The following KCTD16 variants were observed in gnomAD, a reference collection of about 807,000 sequenced individuals.
KCTD16 encodes the protein BTB/POZ domain-containing protein KCTD16.
In KCTD16, 13 loss-of-function variants were observed where a neutral mutation model predicts 33.2. That is an observed-to-expected ratio of 0.39 (90% CI 0.25 to 0.62). The LOEUF is 0.62. Ranked by LOEUF, KCTD16 falls within the 20% of genes least tolerant of loss-of-function variation. The probability of loss-of-function intolerance (pLI) is 0.50; values close to 1 mark genes in which losing one functional copy is unlikely to be tolerated. For synonymous variants in KCTD16, 197 were observed against 195.3 expected (o/e 1.01, Z -0.07); for missense variants, 441 against 525.1 (o/e 0.84, Z 1.57).
intron 2 of KCTD16, among the ~76,000 whole-genome samples, chr5:144,193,455 C>T (rs1489694667): frequency 6.6e-6 from 1 of 152,116 alleles, no homozygotes; most frequent in Non-Finnish European, 1.5e-5. Flanking sequence ...CAGCATTTCA[C>T]ATAGCTGGCT....
At chr5:144,375,929 GCCTC>G (rs1580913595) in intron 3 of KCTD16, among the ~76,000 whole-genome samples, 1 of 151,936 alleles carries the variant, frequency 6.6e-6, no homozygotes, top group Non-Finnish European at 1.5e-5. Context: ...TCCTGCCTCA[GCCTC>G]CTGAGGCAGG....
At chr5:144,287,253 A>G (rs1755770251) in intron 3 of KCTD16, among the ~76,000 whole-genome samples, 1 of 140,526 alleles carries the variant, frequency 7.1e-6, no homozygotes, top group African/African-American at 2.5e-5. Context: ...CGTGTCTTCC[A>G]CAAACAGGCC....
intron 3 of KCTD16, among the ~76,000 whole-genome samples, chr5:144,413,165 G>C (rs990768212): frequency 6.6e-6 from 1 of 152,088 alleles, no homozygotes. Flanking sequence ...TTTCAAAAAG[G>C]TCATTAGGTT....
chr5:144,291,266 CT>C (rs1258280193), intron 3 of KCTD16, among the ~76,000 whole-genome samples: 1 of 152,190 alleles, frequency 6.6e-6, no homozygotes, highest in Non-Finnish European at 1.5e-5. Context: ...CCTCCTGCTG[CT>C]TTCTTAAAGC....
chr5:144,280,352 A>T (rs115712127), intron 3 of KCTD16, among the ~76,000 whole-genome samples: 3,103 of 152,028 alleles, frequency 0.02, 96 homozygotes, highest in African/African-American at 0.064. Context: ...GTTTTTTTTT[A>T]AAATAGCTAT....
At chr5:144,326,460 A>C (rs1018324819) in intron 3 of KCTD16, among the ~76,000 whole-genome samples, 1 of 152,192 alleles carries the variant, frequency 6.6e-6, no homozygotes, top group African/African-American at 2.4e-5. Context: ...ATAAGTTGAA[A>C]TATTTTGCCA....
At chr5:144,468,176 C>T (rs1440046200) in intron 3 of KCTD16, among the ~76,000 whole-genome samples, 2 of 152,326 alleles carry the variant, frequency 1.3e-5, no homozygotes, top group East Asian at 3.9e-4. Flanking sequence ...CACAATGCCT[C>T]CTCTAAGCTT....
At chr5:144,337,816 G>A (rs959542512) in intron 3 of KCTD16, among the ~76,000 whole-genome samples, 1 of 152,160 alleles carries the variant, frequency 6.6e-6, no homozygotes, top group African/African-American at 2.4e-5. Flanking sequence ...GGAGAAGAGT[G>A]GGTGAGAACA....
At chr5:144,349,495 T>A (rs29906) in intron 3 of KCTD16, among the ~76,000 whole-genome samples, 38,144 of 152,152 alleles carry the variant, frequency 0.25, 4,951 homozygotes, top group Non-Finnish European at 0.28. Context: ...CAATCATTTC[T>A]TTTTTTCTGA....
intron 3 of KCTD16, among the ~76,000 whole-genome samples, chr5:144,430,106 C>T (rs932867286): frequency 2.0e-5 from 3 of 152,128 alleles, no homozygotes; most frequent in South Asian, 4.2e-4. Flanking sequence ...TCTTCAGGGG[C>T]ATCGTACCTG....
At chr5:144,439,321 G>T in intron 3 of KCTD16, 1 of 490,848 alleles carries the variant, frequency 2.0e-6, no homozygotes, top group Non-Finnish European at 4.0e-6. Flanking sequence ...CACTTGAATT[G>T]AATGGAGGAA....
At chr5:144,295,779 G>A (rs182810532) in intron 3 of KCTD16, among the ~76,000 whole-genome samples, 20 of 152,300 alleles carry the variant, frequency 1.3e-4, no homozygotes, top group African/African-American at 4.8e-4. Context: ...CAAAAGTGGA[G>A]AATCTTTCCT....
intron 3 of KCTD16, among the ~76,000 whole-genome samples, chr5:144,277,297 T>TGAC (rs1448213686): frequency 1.3e-5 from 2 of 152,204 alleles, no homozygotes; most frequent in South Asian, 2.1e-4. Context: ...CTGATGATGA[T>TGAC]GACGACGATG....
intron 3 of KCTD16, among the ~76,000 whole-genome samples, chr5:144,337,839 C>T (rs1197794844): frequency 2.0e-5 from 3 of 152,030 alleles, no homozygotes; most frequent in Admixed American, 1.3e-4. Context: ...ACCTTTAGAG[C>T]CAGAGTGTCT....
intron 3 of KCTD16, among the ~76,000 whole-genome samples, chr5:144,357,509 A>G (rs546299128): frequency 1.3e-5 from 2 of 152,358 alleles, no homozygotes; most frequent in African/African-American, 4.8e-5. Context: ...CTAGCCATCA[A>G]AGATATTGAA....
chr5:144,384,613 T>G (rs562734847), intron 3 of KCTD16, among the ~76,000 whole-genome samples: 2 of 152,306 alleles, frequency 1.3e-5, no homozygotes, highest in African/African-American at 4.8e-5. Flanking sequence ...TAAAACAAAA[T>G]ATAGTAAACA....
chr5:144,426,882 A>G (rs1355074757), intron 3 of KCTD16, among the ~76,000 whole-genome samples: 1 of 152,158 alleles, frequency 6.6e-6, no homozygotes, highest in Non-Finnish European at 1.5e-5. Context: ...CACCTCTTAC[A>G]TTTCCAACCT....
At chr5:144,288,744 C>T (rs570475513) in intron 3 of KCTD16, among the ~76,000 whole-genome samples, 5 of 152,058 alleles carry the variant, frequency 3.3e-5, no homozygotes, top group East Asian at 1.9e-4. Flanking sequence ...CTGAGGCAAG[C>T]GGATCACTTG....
chr5:144,299,128 ATATATATATATATATATATATTTT>A (rs1249638709), intron 3 of KCTD16, among the ~76,000 whole-genome samples: 11 of 27,384 alleles, frequency 4.0e-4, no homozygotes, highest in South Asian at 1.2e-3. Flanking sequence ...ATATATATAT[ATATATATATATATATATATATTTT>A]TTTTTTTTTT....
Sources: allele counts gnomAD v4.1 joint callset (sites outside exome capture counted in the v4.1 genomes callset), GRCh38; gene constraint gnomAD v4.1.1; transcripts MANE v1.5; gene names NCBI Gene and HGNC (gene_info 2026-07-23, HGNC 2026-07-21).